Variants in GTF2H1 observed in about 807,000 individuals in gnomAD.
GTF2H1 encodes the protein BTF2 p62.
GTF2H1 carries 16 observed loss-of-function variants against 71.2 expected under a neutral mutation model. That is an observed-to-expected ratio of 0.22 (90% confidence interval 0.15 to 0.34). The LOEUF is 0.34. Among genes scored for constraint, GTF2H1 ranks in the 10% least tolerant of loss-of-function variants. The pLI, the probability that GTF2H1 is intolerant of heterozygous loss-of-function variation, is 1.00. For missense variants in GTF2H1, 498 were observed against 648.2 expected, an observed-to-expected ratio of 0.77 and a Z score of 2.52; for synonymous variants, 215 against 219.0, an observed-to-expected ratio of 0.98 and a Z score of 0.16.
At chr11:18,329,125 A>G (rs575379737) in intron 1 of GTF2H1, among the ~76,000 whole-genome samples, 3 of 152,118 alleles carry the variant, frequency 2.0e-5, no homozygotes, top group Non-Finnish European at 4.4e-5. Flanking sequence ...AGGTGGGTAC[A>G]GATAAGGTAA....
chr11:18,329,662 C>G (rs1472022153), intron 1 of GTF2H1, among the ~76,000 whole-genome samples: 2 of 152,172 alleles, frequency 1.3e-5, no homozygotes, highest in Non-Finnish European at 2.9e-5. Context: ...ATCTCATGAA[C>G]CTTATGCTAT....
chr11:18,342,979 T>G (rs777411539), intron 7 of GTF2H1, among the ~76,000 whole-genome samples: 1 of 152,214 alleles, frequency 6.6e-6, no homozygotes, highest in Non-Finnish European at 1.5e-5. Flanking sequence ...TGGAGTACAG[T>G]GGCCTGAGCT....
At chr11:18,334,044 C>A (rs1227615877) in intron 2 of GTF2H1, among the ~76,000 whole-genome samples, 1 of 152,242 alleles carries the variant, frequency 6.6e-6, no homozygotes, top group East Asian at 1.9e-4. Context: ...AAGTTTGAGA[C>A]CAGCCTGCTC....
intron 7 of GTF2H1, among the ~76,000 whole-genome samples, chr11:18,344,943 T>G (rs1377181225): frequency 6.6e-6 from 1 of 152,126 alleles, no homozygotes; most frequent in Non-Finnish European, 1.5e-5. Flanking sequence ...GGGTGGCTCA[T>G]GCCTTTAATC....
Position 18,352,417 on chromosome 11 carries a change from A to G in GTF2H1, c.1231A>G (p.Met411Val). The change falls in exon 11 of 15, where the codon ATG (methionine) becomes GTG (valine). Residue 411 changes from methionine to valine, a missense_variant. By Grantham distance (21) the Met-to-Val change is conservative. Transcript: ENST00000265963. ...INSFQSIRQEMEAYTPKLTQV... is the reference protein window; with the variant it reads ...INSFQSIRQEVEAYTPKLTQV... ...TTCTTTTCAAAGTATTAGACAAGAA[A>G]TGGAAGCTTATACACCCAAGTTAAC... The G allele has an allele frequency of 1.3e-6, 2 of 1,517,038 alleles. No homozygotes were observed. Among genetic ancestry groups the G allele is most frequent in the Non-Finnish European group, 1.8e-6 (2 of 1,091,712 alleles). 94.0% of individuals were successfully genotyped at this position (1,517,038 alleles called of 1,614,324 possible).
chr11:18,328,966 T>A (rs925752151), intron 1 of GTF2H1, among the ~76,000 whole-genome samples: 2 of 152,212 alleles, frequency 1.3e-5, no homozygotes, highest in African/African-American at 4.8e-5. Flanking sequence ...ATAAGTCAGT[T>A]AAAAGGTGGT....
chr11:18,337,334 A>G (rs1265494671), intron 3 of GTF2H1, among the ~76,000 whole-genome samples: 1 of 152,166 alleles, frequency 6.6e-6, no homozygotes, highest in Non-Finnish European at 1.5e-5. Context: ...TAATCCAGCA[A>G]CTTGGGAGGC....
intron 11 of GTF2H1, among the ~76,000 whole-genome samples, chr11:18,356,555 G>T (rs142569484): frequency 6.6e-6 from 1 of 152,006 alleles, no homozygotes; most frequent in East Asian, 1.9e-4. Context: ...CCTTGGGCCC[G>T]AGTAGACCCA....
chr11:18,352,060 C>A, intron 10 of GTF2H1, 91 bp downstream of exon 10: 2 of 729,554 alleles, frequency 2.7e-6, no homozygotes, highest in Admixed American at 2.3e-5. Context: ...TTAATCAGTT[C>A]GTCACCATCA....
At chr11:18,333,007 C>G in intron 1 of GTF2H1, 53 bp from the exon 2 acceptor site, 1 of 1,282,358 alleles carries the variant, frequency 7.8e-7, no homozygotes. Context: ...ACAAATTCAA[C>G]CCTAATTGAT....
At chr11:18,336,363 A>G (rs1373126421) in intron 3 of GTF2H1, among the ~76,000 whole-genome samples, 1 of 152,102 alleles carries the variant, frequency 6.6e-6, no homozygotes, top group East Asian at 1.9e-4. Flanking sequence ...CCTGACCGCC[A>G]GTGATCCACC....
chr11:18,324,067 T>G (rs77018692), intron 1 of GTF2H1, among the ~76,000 whole-genome samples: 1 of 141,220 alleles, frequency 7.1e-6, no homozygotes. Flanking sequence ...TTTTTTTTTT[T>G]GAGACGGAGT....
At chr11:18,325,243 T>G (rs1439668202) in intron 1 of GTF2H1, among the ~76,000 whole-genome samples, 1 of 152,240 alleles carries the variant, frequency 6.6e-6, no homozygotes, top group African/African-American at 2.4e-5. Flanking sequence ...ATGTAAAGAT[T>G]TGTATTCAAC....
rs77074651 is a variant in GTF2H1 at position 18,332,850 on chromosome 11, C to T, written c.-15-210C>T. 8.4e-4 allele frequency: 346 copies of T among 410,186 alleles called. 1 individual carries two copies. The highest frequency in any genetic ancestry group is 6.3e-3 in the African/African-American group (311 of 49,322). 25.4% of individuals were successfully genotyped at this position (410,186 alleles called of 1,614,324 possible). On this transcript the variant is annotated intron_variant, in intron 1 of 14. Coordinates refer to ENST00000265963, the MANE Select transcript of GTF2H1 (RefSeq NM_005316.4). ...ATATAAGTATTGTATAAATTTACAC[C>T]TGTGGTATGAGCAAAATGAAATTTA...
At chr11:18,348,816 AAG>A (rs1865359792) in intron 9 of GTF2H1, 2 of 152,200 alleles carry the variant, frequency 1.3e-5, no homozygotes, top group Non-Finnish European at 2.9e-5. Context: ...TCTTTCAATA[AAG>A]AGAGTATGGG....
At chr11:18,322,935 C>T (rs970088758) in intron 1 of GTF2H1, among the ~76,000 whole-genome samples, 195 bp downstream of exon 1, 2 of 152,164 alleles carry the variant, frequency 1.3e-5, no homozygotes, top group African/African-American at 4.8e-5. Flanking sequence ...ATCTACTTGT[C>T]TAAAGGAAAC....
chr11:18,362,118 C>G (rs942192795), intron 14 of GTF2H1, among the ~76,000 whole-genome samples: 1 of 152,168 alleles, frequency 6.6e-6, no homozygotes, highest in Non-Finnish European at 1.5e-5. Context: ...TACTATACTT[C>G]TAGGCTATAT....
chr11:18,324,299 A>T (rs1864702063), intron 1 of GTF2H1: 1 of 152,190 alleles, frequency 6.6e-6, no homozygotes, highest in Non-Finnish European at 1.5e-5. Context: ...ACAGATTGGT[A>T]AGTTTGAGTC....
At chr11:18,325,054 G>C (rs1032481418) in intron 1 of GTF2H1, among the ~76,000 whole-genome samples, 1 of 152,176 alleles carries the variant, frequency 6.6e-6, no homozygotes, top group African/African-American at 2.4e-5. Flanking sequence ...TGGATTGCTT[G>C]ATGGCAAGCA....
Sources: allele counts gnomAD v4.1 joint callset (sites outside exome capture counted in the v4.1 genomes callset), GRCh38; gene constraint gnomAD v4.1.1; transcripts MANE v1.5; gene names NCBI Gene and HGNC (gene_info 2026-07-23, HGNC 2026-07-21).